The following PHLDB2 variants were observed in gnomAD, a reference collection of about 807,000 sequenced individuals.
PHLDB2 encodes pleckstrin homology like domain family B member 2, also known as pleckstrin homology-like domain family B member 2.
In PHLDB2, 71 loss-of-function variants were observed where a neutral mutation model predicts 123.6. The observed-to-expected ratio is 0.57, with a 90% CI of 0.47 to 0.70. The LOEUF is 0.70. PHLDB2 is among the 30% of genes least tolerant of loss of function. The pLI is 0.00. For synonymous variants in PHLDB2, 547 were observed against 541.6 expected (o/e 1.01, Z -0.14); for missense variants, 1,446 against 1,519.5 (o/e 0.95, Z 0.80).
At chr3:111,974,021 T>G (rs2072394203) in intron 17 of PHLDB2, among the ~76,000 whole-genome samples, 3 of 152,182 alleles carry the variant, frequency 2.0e-5, no homozygotes, top group Admixed American at 2.0e-4. Flanking sequence ...TGAGGAAATA[T>G]TCTGGACATA....
intron 2 of PHLDB2, among the ~76,000 whole-genome samples, chr3:111,904,180 AGGTG>A (rs1318037252): frequency 6.9e-6 from 1 of 145,064 alleles, no homozygotes; most frequent in Non-Finnish European, 1.5e-5. Flanking sequence ...CGGGAGGCTG[AGGTG>A]GGAGAATTGC....
chr3:111,952,958 T>A (rs529733930), intron 11 of PHLDB2, among the ~76,000 whole-genome samples: 2 of 152,282 alleles, frequency 1.3e-5, no homozygotes, highest in Admixed American at 1.3e-4. Context: ...ATGAGTGGCA[T>A]TCACTTACAT....
intron 12 of PHLDB2, among the ~76,000 whole-genome samples, chr3:111,961,742 A>T (rs951853933): frequency 6.6e-6 from 1 of 152,160 alleles, no homozygotes; most frequent in African/African-American, 2.4e-5. Context: ...TTTGCTTGTC[A>T]CTAGGAGGCA....
chr3:111,966,627 A>C lies in PHLDB2; in HGVS notation c.3092A>C (p.Asn1031Thr). 1 of 1,613,090 alleles carries C rather than the reference A, an allele frequency of 6.2e-7. No homozygotes were observed. Among genetic ancestry groups the C allele is most frequent in the Non-Finnish European group, 8.5e-7 (1 of 1,179,512 alleles). Residue 1031 changes from asparagine (N) to threonine (T), a missense_variant, in exon 14 of 18, where the codon AAT becomes ACT. Coordinates refer to ENST00000431670, the MANE Select transcript of PHLDB2 (RefSeq NM_001134438.2). ...PDNISSASTS[N>T]IARIEEMERL... is the part of the protein sequence containing the mutation. ...GTTTCATTCAGTGCCAGCACTTCAA[A>C]TATTGCTAGAATAGAAGAAATGGAG...
At chr3:111,894,572 G>T (rs368855323) in intron 2 of PHLDB2, among the ~76,000 whole-genome samples, 1 of 151,688 alleles carries the variant, frequency 6.6e-6, no homozygotes, top group South Asian at 2.1e-4. Context: ...TCCAACATCT[G>T]TTGTTTCCTG....
At position 111,940,523 on chromosome 3, in the gene PHLDB2, CTT is replaced by C; in HGVS notation, c.2287-9_2287-8del. 6.5e-7 allele frequency: 1 copy of C among 1,534,824 alleles called. No homozygotes were observed. Among genetic ancestry groups the C allele is most frequent in the Non-Finnish European group, 9.0e-7 (1 of 1,115,770 alleles). ...AATGTACATCTTCCTATGATCATCT[CTT>C]TTCCTCCAGGAAAAAATTTCTGCAT... On this transcript the variant is annotated splice_polypyrimidine_tract_variant and intron_variant, in intron 7 of 17. Transcript: ENST00000431670.
chr3:111,917,842 A>G (rs910436001), intron 3 of PHLDB2, among the ~76,000 whole-genome samples: 3 of 152,228 alleles, frequency 2.0e-5, no homozygotes, highest in Non-Finnish European at 4.4e-5. Context: ...AAATAAATTT[A>G]GTGAACCTAG....
chr3:111,782,718 T>C (rs1192677150), intron 1 of PHLDB2, among the ~76,000 whole-genome samples: 1 of 152,006 alleles, frequency 6.6e-6, no homozygotes, highest in Non-Finnish European at 1.5e-5. Flanking sequence ...TTAGGAATTG[T>C]CTGTCTTTCT....
rs576810167 is a variant in PHLDB2, at chr3:111,732,720, G to A, written c.-49+17G>A. ...GCAGACAAGGTAGGTGATCTCTCTG[G>A]TCACTGGCCCTTCTCTTGTAATAAC... On this transcript the variant is annotated intron_variant, in intron 1 of 17. Coordinates refer to the PHLDB2 transcript ENST00000393923. The A allele has an allele frequency of 2.8e-5, 42 of 1,525,594 alleles. 2 individuals are homozygous for A. In the South Asian group the frequency reaches 4.5e-4, roughly 16 times the overall value. The allele number at this position is 1,525,594 out of a possible 1,614,324, so 94.5% of individuals were successfully genotyped here.
At chr3:111,844,971 T>C (rs2063887025) in intron 1 of PHLDB2, among the ~76,000 whole-genome samples, 1 of 152,080 alleles carries the variant, frequency 6.6e-6, no homozygotes, top group Admixed American at 6.6e-5. Context: ...ACAGAGAATA[T>C]CAGATATGTC....
chr3:111,800,634 T>C (rs2061340027), intron 1 of PHLDB2, among the ~76,000 whole-genome samples: 1 of 152,210 alleles, frequency 6.6e-6, no homozygotes, highest in South Asian at 2.1e-4. Context: ...AACTGGCATT[T>C]CTGAACTTTC....
At chr3:111,948,880 A>G (rs2070507305) in intron 9 of PHLDB2, 52 bp from the exon 10 acceptor site, 1 of 1,580,566 alleles carries the variant, frequency 6.3e-7, no homozygotes, top group African/African-American at 1.3e-5. Flanking sequence ...ATACTCTCGC[A>G]TGCCTCAGCT....
At chr3:111,922,156 G>A (rs1472532437) in intron 5 of PHLDB2, among the ~76,000 whole-genome samples, 1 of 152,210 alleles carries the variant, frequency 6.6e-6, no homozygotes, top group Non-Finnish European at 1.5e-5. Context: ...GAAAACTCGT[G>A]CAACATAGGA....
At position 111,962,247 on chromosome 3, in the gene PHLDB2, G is replaced by A; in HGVS notation, c.3012G>A (p.Leu1004=). The A allele has an allele frequency of 6.3e-6, 10 of 1,579,796 alleles. No homozygotes were observed. Among genetic ancestry groups the A allele is most frequent in the Non-Finnish European group, 8.5e-6 (10 of 1,170,812 alleles). Residue 1004 remains leucine (L), a synonymous_variant, in exon 13 of 18, where the codon CTG becomes CTA. Coordinates refer to ENST00000431670, the MANE Select transcript of PHLDB2 (RefSeq NM_001134438.2). The part of the protein sequence containing the change: ...HSYKDQAFDT[L]SLDSSDSMET... ...ACAAGGACCAGGCCTTTGATACTCT[G>A]AGCCTCGATAGCTCTGATAGCATGG...
chr3:111,841,582 T>C (rs1419595477), intron 1 of PHLDB2, among the ~76,000 whole-genome samples: 1 of 152,176 alleles, frequency 6.6e-6, no homozygotes, highest in African/African-American at 2.4e-5. Flanking sequence ...CCTCTTCAAA[T>C]AGAATAAAGA....
At chr3:111,847,390 AG>A (rs1231459919) in intron 2 of PHLDB2, among the ~76,000 whole-genome samples, 1 of 152,212 alleles carries the variant, frequency 6.6e-6, no homozygotes. Context: ...GCAGGAGATT[AG>A]GGGAAAAAAA....
intron 2 of PHLDB2, among the ~76,000 whole-genome samples, chr3:111,890,745 C>T (rs1438773589): frequency 6.6e-6 from 1 of 151,962 alleles, no homozygotes; most frequent in Non-Finnish European, 1.5e-5. Flanking sequence ...TTATGTATCT[C>T]CAAGGGCCTA....
intron 1 of PHLDB2, among the ~76,000 whole-genome samples, chr3:111,756,559 A>T (rs1316744414): frequency 6.6e-6 from 1 of 152,004 alleles, no homozygotes; most frequent in Non-Finnish European, 1.5e-5. Flanking sequence ...CGTGAGATGG[A>T]TTTACTGCAT....
At chr3:111,870,396 G>A (rs1291217265) in intron 1 of PHLDB2, among the ~76,000 whole-genome samples, 1 of 152,146 alleles carries the variant, frequency 6.6e-6, no homozygotes, top group Non-Finnish European at 1.5e-5. Flanking sequence ...CAGAGGGGGA[G>A]TTGAGGGGAC....
Sources: allele counts gnomAD v4.1 joint callset (sites outside exome capture counted in the v4.1 genomes callset), GRCh38; gene constraint gnomAD v4.1.1; transcripts MANE v1.5; gene names NCBI Gene and HGNC (gene_info 2026-07-23, HGNC 2026-07-21).